CADPS: variants seen among roughly 807,000 people sequenced by gnomAD.
The protein encoded by CADPS is calcium-dependent secretion activator 1.
CADPS carries 57 observed loss-of-function variants against 167.3 expected under a neutral mutation model. The ratio of observed to expected loss-of-function variants is 0.34; its 90% CI spans 0.28 to 0.42. The LOEUF (loss-of-function observed/expected upper bound fraction) is 0.42. Among genes scored for constraint, CADPS ranks in the 20% least tolerant of loss-of-function variants. The probability of loss-of-function intolerance (pLI) is 1.00; values close to 1 mark genes in which losing one functional copy is unlikely to be tolerated. For synonymous variants in CADPS, 676 were observed against 635.3 expected (o/e 1.06, Z -0.96); for missense variants, 1,414 against 1,738.1 (o/e 0.81, Z 3.32).
chr3:62,499,484 C>T (rs1267092076), intron 17 of CADPS: 2 of 382,324 alleles, frequency 5.2e-6, no homozygotes, highest in Admixed American at 7.4e-5. Flanking sequence ...AGCAGTGCTC[C>T]AGCTTCAAAT....
chr3:62,499,170 G>C lies in CADPS; in HGVS notation c.2698C>G (p.His900Asp). 1 of 1,608,200 alleles carries C rather than the reference G, an allele frequency of 6.2e-7. No homozygotes were observed. The highest frequency in any genetic ancestry group is 8.5e-7 in the Non-Finnish European group (1 of 1,174,696). ...IEVLQQNEEH[H>D]AEPHVDKGEA... ...CCACCAAGCCTGCTCACCTCTGCGT[G>C]GTGCTCCTCATTTTGCTGAAGAACT... The change falls in exon 18 of 30, where the codon CAC becomes GAC. Residue 900 changes from histidine to aspartate, a missense_variant. Physicochemically the swap from His to Asp is moderately conservative, Grantham distance 81. This residue lies in a region of CADPS where 529 missense variants were observed against 629.6 expected (regional missense o/e 0.84). Coordinates refer to ENST00000383710, the MANE Select transcript of CADPS (RefSeq NM_003716.4).
At chr3:62,813,663 C>A (rs2094485538) in intron 1 of CADPS, among the ~76,000 whole-genome samples, 1 of 152,072 alleles carries the variant, frequency 6.6e-6, no homozygotes, top group Admixed American at 6.6e-5. Flanking sequence ...AAACTATCAA[C>A]AAACAACCTA....
chr3:62,751,400 T>A (rs1421080878), intron 3 of CADPS, among the ~76,000 whole-genome samples: 1 of 152,150 alleles, frequency 6.6e-6, no homozygotes, highest in East Asian at 1.9e-4. Context: ...GAGAGTAAAA[T>A]ACTAAATGTC....
intron 29 of CADPS, among the ~76,000 whole-genome samples, chr3:62,402,580 GATTGTATACACGC>G (rs1189766475): frequency 6.6e-6 from 1 of 152,178 alleles, no homozygotes; most frequent in African/African-American, 2.4e-5. Context: ...CTTTACATTT[GATTGTATACACGC>G]ATTGTAAGAC....
At chr3:62,870,574 A>C (rs1191725932) in intron 1 of CADPS, among the ~76,000 whole-genome samples, 1 of 152,168 alleles carries the variant, frequency 6.6e-6, no homozygotes, top group Non-Finnish European at 1.5e-5. Flanking sequence ...AGTAGCTTGA[A>C]CTTACAAGAC....
chr3:62,447,580 G>C (rs568148468), intron 26 of CADPS, among the ~76,000 whole-genome samples: 1 of 152,168 alleles, frequency 6.6e-6, no homozygotes, highest in Non-Finnish European at 1.5e-5. Flanking sequence ...TTTATAGAGG[G>C]AAGCAATGAG....
chr3:62,549,447 G>GTTTTTT (rs3074235), intron 11 of CADPS, among the ~76,000 whole-genome samples: 1 of 129,286 alleles, frequency 7.7e-6, no homozygotes, highest in Non-Finnish European at 1.6e-5. Flanking sequence ...CATGTTTTGT[G>GTTTTTT]TTTTTTTTTT....
At chr3:62,662,455 G>T in intron 3 of CADPS, 61 bp from the exon 4 acceptor site, 1 of 1,457,256 alleles carries the variant, frequency 6.9e-7, no homozygotes, top group South Asian at 1.1e-5. Flanking sequence ...ATAAACTCAG[G>T]ACATTCCATT....
intron 24 of CADPS, among the ~76,000 whole-genome samples, chr3:62,469,089 A>G (rs1300902014): frequency 6.6e-6 from 1 of 152,174 alleles, no homozygotes; most frequent in Non-Finnish European, 1.5e-5. Context: ...GTTGTATGTA[A>G]ATTATGCCTC....
intron 18 of CADPS, chr3:62,498,179 T>C (rs1376979847): frequency 4.4e-6 from 2 of 456,420 alleles, no homozygotes; most frequent in Admixed American, 2.4e-5. Flanking sequence ...CAAGATTGAA[T>C]AAAATAGTAG....
chr3:62,494,542 C>T (rs1272220097), intron 18 of CADPS, among the ~76,000 whole-genome samples: 1 of 152,078 alleles, frequency 6.6e-6, no homozygotes, highest in Non-Finnish European at 1.5e-5. Flanking sequence ...GACTGAGTTG[C>T]CTCCCCAGAT....
intron 26 of CADPS, among the ~76,000 whole-genome samples, chr3:62,454,921 T>C (rs1047125911): frequency 2.6e-5 from 4 of 152,154 alleles, no homozygotes; most frequent in African/African-American, 9.7e-5. Context: ...TCAAAGTCCC[T>C]ACCTTTTATT....
chr3:62,594,288 A>G (rs1014719091), intron 6 of CADPS, among the ~76,000 whole-genome samples: 19 of 149,772 alleles, frequency 1.3e-4, no homozygotes, highest in Admixed American at 1.3e-4. Context: ...CAGCCTCCCA[A>G]GTAGCTGGGA....
At position 62,570,927 on chromosome 3, in the gene CADPS, G is replaced by A. The variant is rs2081170349; in HGVS notation, c.1589C>T (p.Ala530Val). Residue 530 changes from alanine to valine, a missense_variant, in exon 9 of 30, where the codon GCC becomes GTC. Physicochemically the swap from Ala to Val is moderately conservative, Grantham distance 64 (BLOSUM62 0). Transcript: ENST00000383710. ...TCTCTTCCAGACATTCTTACCGATGGCCCATAAATACCTAAGGGAAAGGAG... is the reference window on the plus strand; with the variant it reads ...TCTCTTCCAGACATTCTTACCGATGACCCATAAATACCTAAGGGAAAGGAG... ...QNMKHSGYLW[A>V]IGKNVWKRWK... is the part of the protein sequence containing the mutation. 3 of 1,606,412 alleles carry A rather than the reference G, an allele frequency of 1.9e-6. No individual in the cohort carries two copies. The highest frequency in any genetic ancestry group is 1.1e-5 in the South Asian group (1 of 90,948).
At chr3:62,791,709 A>G (rs2092961015) in intron 1 of CADPS, among the ~76,000 whole-genome samples, 1 of 152,214 alleles carries the variant, frequency 6.6e-6, no homozygotes. Flanking sequence ...GAAAACGGAA[A>G]AGATATAGGA....
At chr3:62,487,527 T>G (rs2150989723) in intron 21 of CADPS, among the ~76,000 whole-genome samples, 1 of 152,312 alleles carries the variant, frequency 6.6e-6, no homozygotes, top group African/African-American at 2.4e-5. Context: ...CTGACTATCT[T>G]TAGCTATGGT....
At chr3:62,586,587 T>C (rs542493264) in intron 7 of CADPS, among the ~76,000 whole-genome samples, 1 of 152,354 alleles carries the variant, frequency 6.6e-6, no homozygotes, top group South Asian at 2.1e-4. Flanking sequence ...CTGACCCTTT[T>C]TCTTCATTAA....
At chr3:62,599,285 A>G (rs2059344822) in intron 6 of CADPS, among the ~76,000 whole-genome samples, 1 of 151,522 alleles carries the variant, frequency 6.6e-6, no homozygotes, top group African/African-American at 2.4e-5. Flanking sequence ...CTGTACTCAC[A>G]CTGTATGACT....
chr3:62,470,537 G>A (rs557982415), intron 24 of CADPS: 70 of 152,310 alleles, frequency 4.6e-4, no homozygotes, highest in African/African-American at 1.7e-3. Flanking sequence ...TTCCATTGAA[G>A]TTCTGATTAA....
Sources: gnomAD v4.1 joint callset for allele counts (sites outside exome capture counted in the v4.1 genomes callset) on GRCh38, gnomAD v4.1.1 for gene constraint, gnomAD v4.1.1 regional missense constraint, MANE v1.5 for transcripts, NCBI Gene and HGNC (gene_info 2026-07-23, HGNC 2026-07-21) for gene names.